EPM2A: variants seen among roughly 807,000 people sequenced by gnomAD.
The protein encoded by EPM2A is laforin.
A neutral mutation model predicts 26.5 loss-of-function variants in EPM2A; 21 were observed. The ratio of observed to expected loss-of-function variants is 0.79; its 90% CI spans 0.56 to 1.14. The LOEUF (loss-of-function observed/expected upper bound fraction) is 1.14. EPM2A is among the 50% of genes most tolerant of loss of function. The pLI is 0.00. For missense variants in EPM2A, 458 were observed against 440.8 expected, an observed-to-expected ratio of 1.04 and a Z score of -0.35; for synonymous variants, 217 against 177.6, an observed-to-expected ratio of 1.22 and a Z score of -1.76.
intron 1 of EPM2A, among the ~76,000 whole-genome samples, chr6:145,709,942 C>T (rs1224514269): frequency 6.6e-6 from 1 of 152,144 alleles, no homozygotes; most frequent in Non-Finnish European, 1.5e-5. Flanking sequence ...GGATCCCTTC[C>T]TTACACCTTA....
chr6:145,511,074 C>T (rs147802901), intron 2 of EPM2A, among the ~76,000 whole-genome samples: 45 of 151,056 alleles, frequency 3.0e-4, no homozygotes, highest in South Asian at 2.3e-3. Context: ...ACACCAATAA[C>T]GAGTAATGAA....
downstream of EPM2A, among the ~76,000 whole-genome samples, chr6:145,500,356 T>G (rs1270268625): frequency 6.6e-6 from 1 of 152,166 alleles, no homozygotes; most frequent in African/African-American, 2.4e-5. Context: ...CCAGTAGAGG[T>G]GAGAAAACTG....
intron 2 of EPM2A, chr6:145,635,774 A>G (rs1240744452): frequency 5.3e-6 from 2 of 379,492 alleles, no homozygotes; most frequent in African/African-American, 4.1e-5. Flanking sequence ...TACTTATTCC[A>G]TGAATGCATA....
At chr6:145,561,309 A>G (rs765385785) in intron 2 of EPM2A, among the ~76,000 whole-genome samples, 1 of 152,120 alleles carries the variant, frequency 6.6e-6, no homozygotes, top group Non-Finnish European at 1.5e-5. Context: ...ACCATCTGCT[A>G]TTGTGTAAGT....
intron 2 of EPM2A, among the ~76,000 whole-genome samples, chr6:145,673,337 T>C (rs1779785029): frequency 6.6e-6 from 1 of 152,184 alleles, no homozygotes; most frequent in Non-Finnish European, 1.5e-5. Context: ...AGCACTCTGA[T>C]CTGCAGCTCC....
At chr6:145,410,364 G>A (rs1329797965) in intron 4 of EPM2A, among the ~76,000 whole-genome samples, 1 of 152,152 alleles carries the variant, frequency 6.6e-6, no homozygotes, top group African/African-American at 2.4e-5. Context: ...TAATCCTAAA[G>A]AAGACTAATG....
At chr6:145,628,950 C>T (rs903141901) in intron 3 of EPM2A, 1 of 152,252 alleles carries the variant, frequency 6.6e-6, no homozygotes, top group Non-Finnish European at 1.5e-5. Context: ...TACCAAGGAC[C>T]ACAGTGTGGC....
chr6:145,410,957 A>C (rs973248416), intron 4 of EPM2A, among the ~76,000 whole-genome samples: 1 of 152,200 alleles, frequency 6.6e-6, no homozygotes, highest in Non-Finnish European at 1.5e-5. Flanking sequence ...AGATGACCTG[A>C]CCAGTTTTCT....
intron 2 of EPM2A, among the ~76,000 whole-genome samples, chr6:145,595,451 C>A (rs891357595): frequency 6.7e-6 from 1 of 149,814 alleles, no homozygotes; most frequent in Admixed American, 6.6e-5. Context: ...TTGCTTTATC[C>A]TTTTAATTTA....
rs570130161 is a variant in EPM2A at position 145,401,679 on chromosome 6, C to T, written c.556-17582G>A. Among the ~76,000 whole-genome samples the T allele has an allele frequency of 3.0e-4, 46 of 152,144 alleles. 1 individual carries two copies. The South Asian group carries it at 7.9e-3, about 26-fold the overall frequency. ...CTCCATCATTAGACTTGATTGCATC[C>T]CAAGTATTTCATTAATGGACATTGC... On this transcript the variant is annotated intron_variant, in intron 4 of 4. Transcript: ENST00000638717.
chr6:145,573,661 A>G (rs561034114), intron 2 of EPM2A, among the ~76,000 whole-genome samples: 2 of 152,250 alleles, frequency 1.3e-5, no homozygotes, highest in Non-Finnish European at 2.9e-5. Context: ...GGCAGGTGTA[A>G]TGGTTTCCAT....
intron 1 of EPM2A, among the ~76,000 whole-genome samples, chr6:145,727,219 A>G (rs1776255681): frequency 1.3e-5 from 2 of 152,198 alleles, no homozygotes; most frequent in South Asian, 4.1e-4. Flanking sequence ...CGAGAAGATA[A>G]GGACACTGGC....
chr6:145,416,983 A>G (rs1315594125), intron 4 of EPM2A, among the ~76,000 whole-genome samples: 1 of 152,070 alleles, frequency 6.6e-6, no homozygotes, highest in Non-Finnish European at 1.5e-5. Context: ...GGGAGAGAAA[A>G]TTTTCCTCTG....
At chr6:145,435,679 G>T (rs1475772026) in intron 4 of EPM2A, among the ~76,000 whole-genome samples, 1 of 151,734 alleles carries the variant, frequency 6.6e-6, no homozygotes, top group Non-Finnish European at 1.5e-5. Flanking sequence ...TGCAAAAACA[G>T]ACTGATACAA....
intron 4 of EPM2A, chr6:145,490,779 CCA>C: frequency 1.8e-6 from 1 of 566,372 alleles, no homozygotes; most frequent in Non-Finnish European, 3.4e-6. Context: ...AACTGACGTT[CCA>C]CAGTTTCGAT....
chr6:145,453,866 T>C (rs1197691835), intron 4 of EPM2A, among the ~76,000 whole-genome samples: 2 of 152,224 alleles, frequency 1.3e-5, no homozygotes, highest in Non-Finnish European at 2.9e-5. Flanking sequence ...TATTGTGTTC[T>C]CTTAACTTAA....
chr6:145,472,284 C>T (rs950060970), intron 4 of EPM2A, among the ~76,000 whole-genome samples: 1 of 151,730 alleles, frequency 6.6e-6, no homozygotes, highest in South Asian at 2.1e-4. Context: ...CATGGAGGGC[C>T]CTGGTGAGCC....
intron 1 of EPM2A, among the ~76,000 whole-genome samples, chr6:145,697,016 T>A (rs1354508632): frequency 6.6e-6 from 1 of 152,110 alleles, no homozygotes; most frequent in Non-Finnish European, 1.5e-5. Context: ...ATGGTAGAAT[T>A]ACAACTCAGT....
intron 1 of EPM2A, among the ~76,000 whole-genome samples, chr6:145,724,158 G>A (rs1386227763): frequency 6.6e-6 from 1 of 151,924 alleles, no homozygotes; most frequent in Non-Finnish European, 1.5e-5. Context: ...ACCTTACATA[G>A]AACAAGCTAA....
Sources: gnomAD v4.1 joint callset for allele counts (sites outside exome capture counted in the v4.1 genomes callset) on GRCh38, gnomAD v4.1.1 for gene constraint, MANE v1.5 for transcripts, NCBI Gene and HGNC (gene_info 2026-07-23, HGNC 2026-07-21) for gene names.